The following LRRTM4 variants were observed in gnomAD, a reference collection of about 807,000 sequenced individuals.
LRRTM4 encodes the protein leucine-rich repeat transmembrane neuronal protein 4.
LRRTM4 carries 25 observed loss-of-function variants against 47.6 expected under a neutral mutation model. The observed-to-expected ratio is 0.53, with a 90% CI of 0.38 to 0.73. LRRTM4 has a LOEUF of 0.73. Ranked by LOEUF, LRRTM4 falls within the 30% of genes least tolerant of loss-of-function variation. LRRTM4 has a pLI of 0.00. For missense variants in LRRTM4, 638 were observed against 713.4 expected (o/e 0.89, Z 1.20); for synonymous variants, 311 against 269.5 (o/e 1.15, Z -1.51).
At chr2:76,854,966 G>C (rs923826861) in intron 3 of LRRTM4, among the ~76,000 whole-genome samples, 5 of 152,010 alleles carry the variant, frequency 3.3e-5, no homozygotes, top group Non-Finnish European at 7.4e-5. Context: ...AAGATAATAA[G>C]AATCTAGTGG....
intron 3 of LRRTM4, among the ~76,000 whole-genome samples, chr2:76,891,613 C>G (rs1249862932): frequency 6.6e-6 from 1 of 151,372 alleles, no homozygotes. Flanking sequence ...CATTTCAAAT[C>G]ACTGGGGAAA....
rs1315078199 is a variant in LRRTM4, at chr2:77,519,787, T to C, written c.82A>G (p.Thr28Ala). The part of the protein sequence containing the change: ...LLPTLLLVML[T>A]GAQRACPKNC... Reference sequence around the variant, plus strand: ...TTTGGGCAAGCTCTCTGAGCACCCGTGAGCATAACAAGCAGCAGTGTAGGA... The same window carrying C: ...TTTGGGCAAGCTCTCTGAGCACCCGCGAGCATAACAAGCAGCAGTGTAGGA... The change falls in exon 3 of 4, where the codon ACG becomes GCG. Residue 28 changes from threonine (T) to alanine (A), a missense_variant. Coordinates refer to ENST00000409884, the MANE Select transcript of LRRTM4 (RefSeq NM_001134745.3). This position sits in a 1 kb window ranked among gnomAD's most constrained non-coding sequence, Gnocchi z 4.6. 1 of 1,613,118 alleles carries C rather than the reference T, an allele frequency of 6.2e-7. No homozygotes were observed. The highest frequency in any genetic ancestry group is 2.2e-5 in the East Asian group (1 of 44,796).
intron 3 of LRRTM4, among the ~76,000 whole-genome samples, chr2:76,891,775 T>C (rs910100056): frequency 3.3e-5 from 5 of 151,658 alleles, no homozygotes; most frequent in Non-Finnish European, 5.9e-5. Context: ...GAGGAAAACA[T>C]AGATGAATTG....
intron 2 of LRRTM4, among the ~76,000 whole-genome samples, chr2:77,520,252 G>A (rs1232371715): frequency 6.6e-6 from 1 of 152,010 alleles, no homozygotes; most frequent in Non-Finnish European, 1.5e-5. Flanking sequence ...GCTCTGGTAA[G>A]GGCAAAAATG....
At chr2:77,270,340 C>T (rs943169700) in intron 3 of LRRTM4, among the ~76,000 whole-genome samples, 3 of 152,136 alleles carry the variant, frequency 2.0e-5, no homozygotes, top group African/African-American at 4.8e-5. Flanking sequence ...CCTTTCTTTA[C>T]ACTCACTAAA....
chr2:77,253,194 TATAAA>T (rs1051944928), intron 3 of LRRTM4, among the ~76,000 whole-genome samples: 2 of 152,106 alleles, frequency 1.3e-5, no homozygotes, highest in African/African-American at 2.4e-5. Context: ...ACATAAAAAA[TATAAA>T]TAAATAAAAT....
At chr2:76,910,479 TA>T (rs910922805) in intron 3 of LRRTM4, among the ~76,000 whole-genome samples, 8 of 152,136 alleles carry the variant, frequency 5.3e-5, no homozygotes, top group African/African-American at 1.9e-4. Flanking sequence ...ACATGTACCC[TA>T]AAACTTAAAG....
chr2:76,943,448 A>T (rs993015830), intron 3 of LRRTM4, among the ~76,000 whole-genome samples: 2 of 152,196 alleles, frequency 1.3e-5, no homozygotes, highest in East Asian at 1.9e-4. Flanking sequence ...ACAAAAAAAT[A>T]AATTAATTAA....
chr2:77,087,108 T>C (rs960866403), intron 3 of LRRTM4, among the ~76,000 whole-genome samples: 27 of 152,288 alleles, frequency 1.8e-4, no homozygotes, highest in Non-Finnish European at 3.4e-4. Context: ...GCTGATCTTA[T>C]GAAGCAAGAA....
chr2:77,064,235 T>C (rs1195383217), intron 3 of LRRTM4, among the ~76,000 whole-genome samples: 2 of 152,140 alleles, frequency 1.3e-5, no homozygotes, highest in Non-Finnish European at 2.9e-5. Context: ...CCCTAGATAA[T>C]GTTGCATAAG....
chr2:76,809,068 C>T (rs74908575), intron 3 of LRRTM4, among the ~76,000 whole-genome samples: 6,775 of 151,952 alleles, frequency 0.045, 459 homozygotes, highest in African/African-American at 0.14. Flanking sequence ...CTATTTCAAA[C>T]GATTTTTCCC....
intron 3 of LRRTM4, among the ~76,000 whole-genome samples, chr2:76,977,088 T>C (rs1217115124): frequency 6.6e-6 from 1 of 151,594 alleles, no homozygotes. Flanking sequence ...AGCAAAACTC[T>C]TACCTTTGAG....
chr2:76,963,253 C>A lies in LRRTM4; in HGVS notation c.1552-214337G>T, dbSNP rs184320240. On this transcript the variant is annotated intron_variant, in intron 3 of 3. Coordinates refer to ENST00000409884, the MANE Select transcript of LRRTM4 (RefSeq NM_001134745.3). ...TATAACAATTTTATAGACTACAAAC[C>A]AAGGGTCAACATTAAATTGTGATAA... 8.6e-3 allele frequency among the ~76,000 whole-genome samples: 1,294 copies of A among 150,458 alleles called. 27 individuals are homozygous for A. Among genetic ancestry groups the A allele is most frequent in the African/African-American group, 0.029 (1,193 of 41,230 alleles).
rs956239850 is a variant in LRRTM4, at chr2:76,823,189, G to A, written c.1552-74273C>T. ...ATATAGAAATATGTTGATATCAATTGAGTATATTGTCAAATTCAACTAATA... is the reference window on the plus strand; with the variant it reads ...ATATAGAAATATGTTGATATCAATTAAGTATATTGTCAAATTCAACTAATA... On this transcript the variant is annotated intron_variant, in intron 3 of 3. Transcript: ENST00000409884. 3.3e-5 allele frequency among the ~76,000 whole-genome samples: 5 copies of A among 151,294 alleles called. No individual in the cohort carries two copies. In the Admixed American group the frequency reaches 3.3e-4, roughly 10 times the overall value.
intron 3 of LRRTM4, among the ~76,000 whole-genome samples, chr2:77,248,748 T>C (rs910627399): frequency 1.3e-5 from 2 of 152,056 alleles, no homozygotes; most frequent in African/African-American, 4.8e-5. Context: ...CGCACATAAT[T>C]ATAGTCAACT....
intron 3 of LRRTM4, among the ~76,000 whole-genome samples, chr2:76,930,879 A>G (rs1055927109): frequency 6.6e-6 from 1 of 152,200 alleles, no homozygotes; most frequent in Non-Finnish European, 1.5e-5. Context: ...TTTACAAATA[A>G]ATTATAATGA....
intron 3 of LRRTM4, among the ~76,000 whole-genome samples, chr2:77,196,426 GA>G (rs1008536500): frequency 1.3e-5 from 2 of 152,052 alleles, no homozygotes; most frequent in African/African-American, 2.4e-5. Flanking sequence ...GTAAACAAAA[GA>G]AAAAATTACT....
chr2:76,870,449 C>T (rs1009199521), intron 3 of LRRTM4, among the ~76,000 whole-genome samples: 22 of 151,606 alleles, frequency 1.5e-4, no homozygotes, highest in Admixed American at 1.4e-3. Flanking sequence ...AGCTGAAATA[C>T]TGGGGGAAAA....
At chr2:77,020,778 A>G (rs1255547050) in intron 3 of LRRTM4, among the ~76,000 whole-genome samples, 1 of 152,204 alleles carries the variant, frequency 6.6e-6, no homozygotes, top group Non-Finnish European at 1.5e-5. Flanking sequence ...GCGTAGAGCC[A>G]TGAGTGAAGT....
Sources: allele counts gnomAD v4.1 joint callset (sites outside exome capture counted in the v4.1 genomes callset), GRCh38; gene constraint gnomAD v4.1.1; non-coding constraint Gnocchi (gnomAD v3.1); transcripts MANE v1.5; gene names NCBI Gene and HGNC (gene_info 2026-07-23, HGNC 2026-07-21).